The following CSMD1 variants were observed in gnomAD, a reference collection of about 807,000 sequenced individuals.
CSMD1 encodes CUB and Sushi multiple domains 1, also known as CUB and sushi domain-containing protein 1.
In CSMD1, 213 loss-of-function variants were observed where a neutral mutation model predicts 417.5. The observed-to-expected ratio is 0.51, with a 90% CI of 0.46 to 0.57. The LOEUF is 0.57. Among genes scored for constraint, CSMD1 ranks in the 20% least tolerant of loss-of-function variants. The pLI is 0.00. For synonymous variants in CSMD1, 2,862 were observed against 1,736.8 expected, an observed-to-expected ratio of 1.65 and a Z score of -16.11; for missense variants, 6,923 against 4,529.7, an observed-to-expected ratio of 1.53 and a Z score of -15.17.
intron 5 of CSMD1, among the ~76,000 whole-genome samples, chr8:3,801,045 A>T (rs75351512): frequency 0.015 from 2,257 of 152,228 alleles, 47 homozygotes; most frequent in East Asian, 0.037. Flanking sequence ...AATCTTTATA[A>T]CCGTGGTTGA....
intron 3 of CSMD1, among the ~76,000 whole-genome samples, chr8:4,379,526 G>A (rs767015258): frequency 6.6e-6 from 1 of 152,186 alleles, no homozygotes; most frequent in Non-Finnish European, 1.5e-5. Context: ...AGTGGGTGAA[G>A]TATATATAGG....
intron 23 of CSMD1, among the ~76,000 whole-genome samples, chr8:3,321,019 G>C (rs1441881628): frequency 6.6e-6 from 1 of 152,008 alleles, no homozygotes; most frequent in Admixed American, 6.6e-5. Context: ...AAATGGCCTC[G>C]CTTTTGTATT....
chr8:4,647,824 C>T (rs1345793156), intron 1 of CSMD1, among the ~76,000 whole-genome samples: 3 of 152,108 alleles, frequency 2.0e-5, no homozygotes, highest in Non-Finnish European at 2.9e-5. Flanking sequence ...CACTGATGGG[C>T]GTTTGGGTTG....
chr8:3,952,623 T>C (rs980892179), intron 5 of CSMD1, among the ~76,000 whole-genome samples: 1 of 152,136 alleles, frequency 6.6e-6, no homozygotes. Context: ...AGAAATTCCT[T>C]AATGGGTAGA....
chr8:3,520,794 C>G (rs545807854), intron 10 of CSMD1, among the ~76,000 whole-genome samples: 114 of 152,236 alleles, frequency 7.5e-4, no homozygotes, highest in African/African-American at 2.1e-3. Flanking sequence ...ATCACCACAT[C>G]TGTAGAGGAA....
intron 7 of CSMD1, among the ~76,000 whole-genome samples, chr8:3,627,796 T>A (rs1178879782): frequency 6.6e-6 from 1 of 152,224 alleles, no homozygotes; most frequent in Non-Finnish European, 1.5e-5. Flanking sequence ...AGCCAGCACA[T>A]CTTGTTTATT....
intron 12 of CSMD1, among the ~76,000 whole-genome samples, chr8:3,422,754 G>A (rs1017822625): frequency 6.6e-6 from 1 of 152,178 alleles, no homozygotes; most frequent in South Asian, 2.1e-4. Flanking sequence ...ACTGGGTAAT[G>A]TATGAAGAGC....
intron 3 of CSMD1, among the ~76,000 whole-genome samples, chr8:4,126,090 C>A (rs1802747889): frequency 6.6e-6 from 1 of 151,974 alleles, no homozygotes; most frequent in Non-Finnish European, 1.5e-5. Context: ...AAACAGAAGA[C>A]AGCAAGAAAA....
At position 3,369,258 on chromosome 8, in the gene CSMD1, C is replaced by G. The variant is rs748572141; in HGVS notation, c.2895G>C (p.Gly965=). Residue 965 remains glycine (G), a synonymous_variant, in exon 19 of 70, where the codon GGG becomes GGC. Transcript: ENST00000635120. ...AGACCTATGATAGATTCTTACCTTT[C>G]CCATGAGACACTTCAATGGTCCACG... ...NCTWTIEVSH[G]KGVQMIFHTF... The G allele has an allele frequency of 8.0e-6, 12 of 1,499,628 alleles. No homozygotes were observed. In the South Asian group the frequency reaches 1.1e-4, roughly 14 times the overall value. The allele number at this position is 1,499,628 out of a possible 1,614,324, so 92.9% of individuals were successfully genotyped here.
intron 5 of CSMD1, among the ~76,000 whole-genome samples, chr8:3,820,866 C>A (rs917436440): frequency 1.3e-5 from 2 of 151,916 alleles, no homozygotes; most frequent in Admixed American, 6.6e-5. Flanking sequence ...TTATAGGTCA[C>A]AATGCCTTCT....
chr8:3,590,739 G>A (rs1012405020), intron 8 of CSMD1, among the ~76,000 whole-genome samples: 7 of 152,084 alleles, frequency 4.6e-5, no homozygotes, highest in African/African-American at 7.2e-5. Flanking sequence ...GTGGGTAAAC[G>A]CCATTCCAGC....
At chr8:3,827,483 G>T (rs993803016) in intron 5 of CSMD1, among the ~76,000 whole-genome samples, 2 of 152,106 alleles carry the variant, frequency 1.3e-5, no homozygotes, top group Non-Finnish European at 2.9e-5. Context: ...TTCACGACGT[G>T]GTTTTTAACT....
intron 2 of CSMD1, among the ~76,000 whole-genome samples, chr8:4,471,494 G>A (rs1466855800): frequency 6.6e-6 from 1 of 152,110 alleles, no homozygotes; most frequent in African/African-American, 2.4e-5. Flanking sequence ...ACAAAACATG[G>A]CTCAGTGTCT....
intron 2 of CSMD1, among the ~76,000 whole-genome samples, chr8:4,584,151 C>T (rs554803740): frequency 2.4e-4 from 36 of 152,140 alleles, no homozygotes; most frequent in African/African-American, 7.0e-4. Flanking sequence ...ACTCCAGACG[C>T]GCCACCTTAA....
chr8:3,301,223 G>C lies in CSMD1; in HGVS notation c.3950+6472C>G, dbSNP rs563129750. 5.1e-4 allele frequency among the ~76,000 whole-genome samples: 78 copies of C among 152,088 alleles called. 1 individual carries two copies. Among genetic ancestry groups the C allele is most frequent in the Middle Eastern group, 6.8e-3 (2 of 292 alleles). On this transcript the variant is annotated intron_variant, in intron 25 of 69. Transcript: ENST00000635120. ...AAAACAAACCATATTGTTTGGGGTA[G>C]GAGCAGTGGGTGCAAGGCAGCGTTT...
intron 1 of CSMD1, among the ~76,000 whole-genome samples, chr8:4,801,213 A>C (rs1798265256): frequency 6.6e-6 from 1 of 152,146 alleles, no homozygotes; most frequent in Non-Finnish European, 1.5e-5. Context: ...TTCTTAGCTA[A>C]ATCTTATTGC....
At position 3,417,903 on chromosome 8, in the gene CSMD1, C is replaced by T. The variant is rs185488791; in HGVS notation, c.1562-8298G>A. ...ACATGCTCCCGGCATTACTGAAAAC[C>T]ATATGACACAGCACAACCCAGCACT... On this transcript the variant is annotated intron_variant, in intron 12 of 69. Transcript: ENST00000635120. 1.4e-3 allele frequency among the ~76,000 whole-genome samples: 214 copies of T among 152,298 alleles called. 3 individuals carry two copies. Among genetic ancestry groups the T allele is most frequent in the Admixed American group, 3.6e-3 (55 of 15,302 alleles).
intron 2 of CSMD1, among the ~76,000 whole-genome samples, chr8:4,520,170 C>T (rs764442577): frequency 2.6e-5 from 4 of 152,140 alleles, no homozygotes; most frequent in Non-Finnish European, 5.9e-5. Context: ...AAGCTTGGCT[C>T]TGTTTCCAAA....
chr8:3,747,956 G>A (rs542297771), intron 6 of CSMD1, among the ~76,000 whole-genome samples: 13 of 151,972 alleles, frequency 8.6e-5, no homozygotes, highest in South Asian at 2.1e-4. Flanking sequence ...CTTTTCTTCC[G>A]TTTGTCTAGA....
Sources: allele counts gnomAD v4.1 joint callset (sites outside exome capture counted in the v4.1 genomes callset), GRCh38; gene constraint gnomAD v4.1.1; transcripts MANE v1.5; gene names NCBI Gene and HGNC (gene_info 2026-07-23, HGNC 2026-07-21).